GPC6: variants seen among roughly 807,000 people sequenced by gnomAD.
The protein encoded by GPC6 is glypican 6.
Under a neutral mutation model 55.2 loss-of-function variants are expected in GPC6, and 14 were observed. The ratio of observed to expected loss-of-function variants is 0.25; its 90% CI spans 0.17 to 0.40. The LOEUF is 0.40. GPC6 is among the 10% of genes least tolerant of loss of function. The pLI is 1.00. For synonymous variants in GPC6, 278 were observed against 259.6 expected, an observed-to-expected ratio of 1.07 and a Z score of -0.68; for missense variants, 641 against 708.5, an observed-to-expected ratio of 0.90 and a Z score of 1.08.
At chr13:93,418,840 A>G (rs539108918) in intron 1 of GPC6, among the ~76,000 whole-genome samples, 2 of 149,830 alleles carry the variant, frequency 1.3e-5, no homozygotes, top group Admixed American at 6.6e-5. Context: ...TAATGGCACT[A>G]TACCGTAGCA....
chr13:94,016,970 G>A (rs914808754), intron 3 of GPC6, among the ~76,000 whole-genome samples: 1 of 152,010 alleles, frequency 6.6e-6, no homozygotes, highest in African/African-American at 2.4e-5. Context: ...GAGTAGCTGG[G>A]ATTACAGGTG....
intron 2 of GPC6, among the ~76,000 whole-genome samples, chr13:93,692,035 T>G (rs930681814): frequency 3.3e-5 from 5 of 152,052 alleles, no homozygotes; most frequent in African/African-American, 1.2e-4. Flanking sequence ...ATGCTGAAAT[T>G]ACACTTTGGG....
chr13:93,676,168 T>TACAC (rs757719039), intron 2 of GPC6, among the ~76,000 whole-genome samples: 44 of 39,434 alleles, frequency 1.1e-3, no homozygotes, highest in African/African-American at 3.6e-3. Context: ...TATATATATA[T>TACAC]ACATACACAC....
intron 4 of GPC6, among the ~76,000 whole-genome samples, chr13:94,082,022 G>T (rs149384859): frequency 0.016 from 2,499 of 151,894 alleles, 107 homozygotes; most frequent in Admixed American, 0.1. Context: ...TGTATTTTTA[G>T]TAGAGACGGG....
At chr13:94,070,812 T>A (rs960645420) in intron 4 of GPC6, among the ~76,000 whole-genome samples, 6 of 152,226 alleles carry the variant, frequency 3.9e-5, no homozygotes, top group Non-Finnish European at 7.3e-5. Flanking sequence ...TGGGTGATTC[T>A]GCAGGAATTC....
chr13:93,319,059 C>A, intron 1 of GPC6, among the ~76,000 whole-genome samples: 1 of 152,016 alleles, frequency 6.6e-6, no homozygotes, highest in East Asian at 1.9e-4. Flanking sequence ...CAATTACTTC[C>A]GATAGCACTG....
At chr13:93,754,610 GAGT>G (rs1256705805) in intron 2 of GPC6, among the ~76,000 whole-genome samples, 1 of 151,800 alleles carries the variant, frequency 6.6e-6, no homozygotes, top group Non-Finnish European at 1.5e-5. Flanking sequence ...CTTAGAATCA[GAGT>G]ACCAGTAAGT....
intron 1 of GPC6, among the ~76,000 whole-genome samples, chr13:93,479,582 G>A (rs977500387): frequency 1.3e-5 from 2 of 148,392 alleles, no homozygotes; most frequent in Admixed American, 1.4e-4. Context: ...TCAGGAGTTC[G>A]AGACCAGCCC....
chr13:94,122,870 A>G (rs1021268323), intron 4 of GPC6, among the ~76,000 whole-genome samples: 1 of 152,122 alleles, frequency 6.6e-6, no homozygotes, highest in Non-Finnish European at 1.5e-5. Context: ...CTCTTCTTAC[A>G]TGCAACCATG....
chr13:93,949,814 A>G (rs1879172497), intron 3 of GPC6, among the ~76,000 whole-genome samples: 1 of 152,040 alleles, frequency 6.6e-6, no homozygotes, highest in South Asian at 2.1e-4. Context: ...TGCAACCTCC[A>G]CCTCTGGGCT....
chr13:94,154,544 G>C (rs530093647), intron 4 of GPC6: 1 of 152,304 alleles, frequency 6.6e-6, no homozygotes, highest in African/African-American at 2.4e-5. Flanking sequence ...GACTGCAACT[G>C]AATCTGCAAT....
chr13:93,544,584 A>G (rs373865283), intron 1 of GPC6, among the ~76,000 whole-genome samples: 1 of 152,222 alleles, frequency 6.6e-6, no homozygotes, highest in African/African-American at 2.4e-5. Context: ...AAATAGCACT[A>G]AAGAAAGCAG....
intron 4 of GPC6, among the ~76,000 whole-genome samples, chr13:94,214,368 T>C (rs1225253265): frequency 6.6e-6 from 1 of 152,218 alleles, no homozygotes; most frequent in Admixed American, 6.5e-5. Flanking sequence ...TTCACTCCCA[T>C]GGGACAGATT....
chr13:94,204,853 G>A (rs778980612), intron 4 of GPC6, among the ~76,000 whole-genome samples: 1 of 152,150 alleles, frequency 6.6e-6, no homozygotes, highest in Non-Finnish European at 1.5e-5. Flanking sequence ...TATATTCAAT[G>A]AATCTTTCTT....
chr13:94,354,348 C>CAA (rs61181264), intron 6 of GPC6, among the ~76,000 whole-genome samples: 1 of 136,222 alleles, frequency 7.3e-6, no homozygotes, highest in African/African-American at 2.6e-5. Flanking sequence ...AAAAAAGATA[C>CAA]AAAAAAAAAA....
At chr13:93,894,594 C>A (rs544595081) in intron 3 of GPC6, among the ~76,000 whole-genome samples, 2 of 152,196 alleles carry the variant, frequency 1.3e-5, no homozygotes, top group East Asian at 3.9e-4. Flanking sequence ...TTGTTCCATG[C>A]TTTATTTAAT....
chr13:93,363,333 GTCCATGTGTTCTCATTGTTCAAT>G (rs1237602497), intron 1 of GPC6, among the ~76,000 whole-genome samples: 6 of 144,642 alleles, frequency 4.1e-5, no homozygotes, highest in Non-Finnish European at 6.0e-5. Flanking sequence ...CCCTTCCTGT[GTCCATGTGTTCTCATTGTTCAAT>G]TCCCACCTAT....
chr13:93,981,282 C>A (rs1880793738), intron 3 of GPC6, among the ~76,000 whole-genome samples: 1 of 151,974 alleles, frequency 6.6e-6, no homozygotes, highest in Admixed American at 6.6e-5. Flanking sequence ...AGTTTTTTCG[C>A]AAGAACTTAA....
At chr13:94,074,889 A>G (rs1487238485) in intron 4 of GPC6, among the ~76,000 whole-genome samples, 1 of 152,200 alleles carries the variant, frequency 6.6e-6, no homozygotes, top group Non-Finnish European at 1.5e-5. Flanking sequence ...TGGTACAGTC[A>G]ATTAACATGA....
Sources: allele counts gnomAD v4.1 joint callset (sites outside exome capture counted in the v4.1 genomes callset), GRCh38; gene constraint gnomAD v4.1.1; transcripts MANE v1.5; gene names NCBI Gene and HGNC (gene_info 2026-07-23, HGNC 2026-07-21).